ST6GALNAC5: variants seen among roughly 807,000 people sequenced by gnomAD.
ST6GALNAC5 encodes alpha-N-acetylgalactosaminide alpha-2,6-sialyltransferase 5.
In ST6GALNAC5, 27 loss-of-function variants were observed where a neutral mutation model predicts 33.6. That is an observed-to-expected ratio of 0.80 (90% CI 0.59 to 1.11). The LOEUF (loss-of-function observed/expected upper bound fraction) is 1.11, where lower values mean the gene tolerates loss of function less well. Ranked by LOEUF, ST6GALNAC5 falls within the 50% of genes least tolerant of loss-of-function variation. The pLI is 0.00. For missense variants in ST6GALNAC5, 428 were observed against 454.0 expected, an observed-to-expected ratio of 0.94 and a Z score of 0.52; for synonymous variants, 194 against 171.2, an observed-to-expected ratio of 1.13 and a Z score of -1.04.
intron 2 of ST6GALNAC5, among the ~76,000 whole-genome samples, chr1:77,041,335 G>T (rs1000044244): frequency 2.0e-5 from 3 of 152,140 alleles, no homozygotes; most frequent in Admixed American, 2.0e-4. Flanking sequence ...TTGTCTGGGG[G>T]CACCCTCAAT....
intron 4 of ST6GALNAC5, among the ~76,000 whole-genome samples, chr1:77,051,146 T>C (rs952099234): frequency 6.6e-6 from 1 of 152,268 alleles, no homozygotes; most frequent in Non-Finnish European, 1.5e-5. Context: ...TTTTAAATTG[T>C]GTGCTTACTT....
intron 2 of ST6GALNAC5, among the ~76,000 whole-genome samples, chr1:76,957,550 A>G (rs1214101685): frequency 1.3e-5 from 2 of 152,174 alleles, no homozygotes; most frequent in African/African-American, 2.4e-5. Flanking sequence ...GTAGTCACCA[A>G]TTGTTAACAT....
chr1:76,957,029 T>C (rs1648028406), intron 2 of ST6GALNAC5, among the ~76,000 whole-genome samples: 1 of 152,228 alleles, frequency 6.6e-6, no homozygotes, highest in Non-Finnish European at 1.5e-5. Flanking sequence ...AATTTTGAAA[T>C]AACTCAAACC....
chr1:76,996,005 T>C (rs1331623146), intron 2 of ST6GALNAC5, among the ~76,000 whole-genome samples: 1 of 152,224 alleles, frequency 6.6e-6, no homozygotes, highest in Admixed American at 6.5e-5. Context: ...CTCAATCATG[T>C]TGCAGTGTTA....
intron 4 of ST6GALNAC5, among the ~76,000 whole-genome samples, chr1:77,058,869 A>G (rs974815511): frequency 1.3e-5 from 2 of 152,164 alleles, no homozygotes; most frequent in African/African-American, 4.8e-5. Flanking sequence ...GCTCCCTATC[A>G]AATGGGAGCT....
chr1:77,060,024 T>C (rs1050705719), intron 4 of ST6GALNAC5: 1 of 152,160 alleles, frequency 6.6e-6, no homozygotes, highest in Admixed American at 6.5e-5. Flanking sequence ...GTCTATGGGG[T>C]TGGAGCATAG....
At position 76,867,536 on chromosome 1, in the gene ST6GALNAC5, C is replaced by A. The variant is rs1653367193; in HGVS notation, c.-140C>A. 1 of 1,365,682 alleles carries A rather than the reference C, an allele frequency of 7.3e-7. No homozygotes were observed. Among genetic ancestry groups the A allele is most frequent in the Non-Finnish European group, 1.0e-6 (1 of 957,448 alleles). 84.6% of individuals were successfully genotyped at this position (1,365,682 alleles called of 1,614,324 possible). On this transcript the variant is annotated 5_prime_UTR_variant, in exon 1 of 5. Transcript: ENST00000477717. ...GCCGCGCTTCCCGGGTCCCGCGGCT[C>A]CCGCGCGCGATCTGCCGCGGCCGGC...
chr1:76,901,791 C>A (rs959940503), intron 2 of ST6GALNAC5, among the ~76,000 whole-genome samples: 2 of 152,032 alleles, frequency 1.3e-5, no homozygotes, highest in Non-Finnish European at 2.9e-5. Context: ...TTGGATTTTG[C>A]TTTTTCACTT....
intron 2 of ST6GALNAC5, among the ~76,000 whole-genome samples, chr1:76,894,973 G>T (rs36059456): frequency 6.6e-6 from 1 of 152,074 alleles, no homozygotes; most frequent in Non-Finnish European, 1.5e-5. Flanking sequence ...GAAAATTATA[G>T]TCAAAGGGGG....
chr1:77,062,934 AT>A (rs774506252), intron 4 of ST6GALNAC5, 40 bp from the exon 5 acceptor site: 32 of 1,557,860 alleles, frequency 2.1e-5, no homozygotes, highest in African/African-American at 2.7e-5. Context: ...AGGAAAAAAA[AT>A]TTTTTTGCTT....
rs759824508 is a variant in ST6GALNAC5, at chr1:77,063,034, G to A, written c.839G>A (p.Cys280Tyr). 2 of 1,613,888 alleles carry A rather than the reference G, an allele frequency of 1.2e-6. No homozygotes were observed. Among genetic ancestry groups the A allele is most frequent in the Non-Finnish European group, 1.7e-6 (2 of 1,179,920 alleles). Residue 280 changes from cysteine to tyrosine, a missense_variant, in exon 5 of 5, where the codon TGT becomes TAT. Transcript: ENST00000477717. ...TATGAACCTTTTGGACCTGATGAATGTACAATGTACCTCTCCCATGAGCGA... is the reference window on the plus strand; with the variant it reads ...TATGAACCTTTTGGACCTGATGAATATACAATGTACCTCTCCCATGAGCGA... ...HYYEPFGPDE[C>Y]TMYLSHERGR... is the part of the protein sequence containing the mutation.
intron 2 of ST6GALNAC5, among the ~76,000 whole-genome samples, chr1:77,015,623 G>C (rs1194965280): frequency 6.6e-6 from 1 of 152,144 alleles, no homozygotes; most frequent in East Asian, 1.9e-4. Flanking sequence ...ATACAAGGTG[G>C]ACAGAGCTGA....
At chr1:77,020,291 G>A (rs113302807) in intron 2 of ST6GALNAC5, among the ~76,000 whole-genome samples, 43 of 152,288 alleles carry the variant, frequency 2.8e-4, no homozygotes, top group Admixed American at 7.8e-4. Flanking sequence ...TCTTGCACTC[G>A]TTAGGCAGTC....
At chr1:77,050,587 G>T (rs372286073) in intron 4 of ST6GALNAC5, among the ~76,000 whole-genome samples, 1 of 152,112 alleles carries the variant, frequency 6.6e-6, no homozygotes, top group Admixed American at 6.5e-5. Context: ...TCCATCTTGT[G>T]GGCTCCATTT....
chr1:76,960,569 T>G (rs1036914342), intron 2 of ST6GALNAC5, among the ~76,000 whole-genome samples: 3 of 152,162 alleles, frequency 2.0e-5, no homozygotes, highest in African/African-American at 7.2e-5. Context: ...CTCGTCCTAA[T>G]AAGCCTGGGA....
intron 2 of ST6GALNAC5, among the ~76,000 whole-genome samples, chr1:76,899,012 A>G (rs1646787273): frequency 6.6e-6 from 1 of 152,116 alleles, no homozygotes; most frequent in Admixed American, 6.5e-5. Context: ...TGTGTAAAAG[A>G]ATGCCTGGAC....
chr1:76,868,951 G>T lies in ST6GALNAC5; in HGVS notation c.261+209G>T. 2.6e-6 allele frequency: 2 copies of T among 783,070 alleles called. No individual in the cohort carries two copies. The highest frequency in any genetic ancestry group is 7.4e-5 in the Admixed American group (2 of 26,882). 48.5% of individuals were successfully genotyped at this position (783,070 alleles called of 1,614,324 possible). On this transcript the variant is annotated intron_variant, in intron 2 of 4. Transcript: ENST00000477717. The surrounding 1 kb of genome is among the most constrained non-coding windows in gnomAD (Gnocchi z 4.3). ...ACACAAAGTTTTGTAGAAAATAGGGGTGAGGTGCGTGGACCCCAAAGCCTA... is the reference window on the plus strand; with the variant it reads ...ACACAAAGTTTTGTAGAAAATAGGGTTGAGGTGCGTGGACCCCAAAGCCTA...
rs1648238608 is a variant in ST6GALNAC5, at chr1:76,961,483, C to A, written c.262-82721C>A. On this transcript the variant is annotated intron_variant, in intron 2 of 4. Transcript: ENST00000477717. ...GTTTTCATTGTCTTGGGGTGAGGAA[C>A]AAATCCTTGATAGAACTAATATGAT... is the stretch of plus-strand genomic sequence containing the variant. Among the ~76,000 whole-genome samples, 5 of 152,180 alleles carry A rather than the reference C, an allele frequency of 3.3e-5. No individual in the cohort carries two copies. The South Asian group carries it at 8.3e-4, about 25-fold the overall frequency.
chr1:76,968,869 G>T (rs1648614910), intron 2 of ST6GALNAC5, among the ~76,000 whole-genome samples: 1 of 152,144 alleles, frequency 6.6e-6, no homozygotes, highest in Non-Finnish European at 1.5e-5. Context: ...GAAATTCTGG[G>T]TTGAAAATTC....
Sources: gnomAD v4.1 joint callset for allele counts (sites outside exome capture counted in the v4.1 genomes callset) on GRCh38, gnomAD v4.1.1 for gene constraint, Gnocchi (gnomAD v3.1) non-coding constraint, MANE v1.5 for transcripts, NCBI Gene and HGNC (gene_info 2026-07-23, HGNC 2026-07-21) for gene names.